Variants in KIF11 observed in about 807,000 individuals in gnomAD.
KIF11 encodes the protein kinesin-like protein KIF11.
In KIF11, 9 loss-of-function variants were observed where a neutral mutation model predicts 121.0. The observed-to-expected ratio is 0.07, with a 90% CI of 0.04 to 0.13. The LOEUF (loss-of-function observed/expected upper bound fraction) is 0.13. KIF11 is among the 10% of genes least tolerant of loss of function. The pLI, the probability that KIF11 is intolerant of heterozygous loss-of-function variation, is 1.00. For missense variants in KIF11, 846 were observed against 1,217.5 expected (o/e 0.69, Z 4.54); for synonymous variants, 408 against 421.0 (o/e 0.97, Z 0.38).
intron 6 of KIF11, among the ~76,000 whole-genome samples, chr10:92,612,697 G>T (rs1844510441): frequency 1.3e-5 from 2 of 152,154 alleles, no homozygotes; most frequent in South Asian, 4.1e-4. Flanking sequence ...TATTTCAAAT[G>T]GTTCTTATGA....
chr10:92,635,491 C>T (rs1025325038), intron 14 of KIF11, among the ~76,000 whole-genome samples: 2 of 152,076 alleles, frequency 1.3e-5, no homozygotes, highest in Admixed American at 1.3e-4. Context: ...TTCCAGCACA[C>T]GCCTGGTGGG....
In KIF11 at chr10:92,621,374, C is replaced by A. The variant is rs1461592393; in HGVS notation, c.1129-11C>A. The A allele has an allele frequency of 1.3e-6, 2 of 1,560,512 alleles. No homozygotes were observed. The highest frequency in any genetic ancestry group is 1.8e-6 in the Non-Finnish European group (2 of 1,136,132). On this transcript the variant is annotated splice_polypyrimidine_tract_variant and intron_variant, in intron 9 of 21. Transcript: ENST00000260731. Reference sequence around the variant, plus strand: ...TACTAAACTGACACCTACAACATTCCTCTTGTGTAGGAGTATACGGAGGAG... The same window carrying A: ...TACTAAACTGACACCTACAACATTCATCTTGTGTAGGAGTATACGGAGGAG...
intron 12 of KIF11, among the ~76,000 whole-genome samples, 175 bp from the exon 13 acceptor site, chr10:92,632,311 G>A (rs548126055): frequency 1.3e-5 from 2 of 151,824 alleles, no homozygotes; most frequent in East Asian, 2.0e-4. Flanking sequence ...GGAACTACAA[G>A]TATGTACCAC....
chr10:92,629,960 A>T (rs1844718390), intron 11 of KIF11, among the ~76,000 whole-genome samples: 1 of 152,206 alleles, frequency 6.6e-6, no homozygotes, highest in African/African-American at 2.4e-5. Flanking sequence ...ATGTTGAAGG[A>T]AACTGAAGAA....
intron 6 of KIF11, among the ~76,000 whole-genome samples, chr10:92,612,093 G>A (rs1236767576): frequency 6.6e-6 from 1 of 151,576 alleles, no homozygotes; most frequent in African/African-American, 2.4e-5. Flanking sequence ...AAAAAGCACA[G>A]TATTTGTTTT....
At chr10:92,646,240 C>A (rs1378050666) in intron 18 of KIF11, among the ~76,000 whole-genome samples, 1 of 152,192 alleles carries the variant, frequency 6.6e-6, no homozygotes, top group African/African-American at 2.4e-5. Context: ...GCATGAGCCA[C>A]TGCGCCCGGC....
At chr10:92,609,239 A>G (rs773387545) in intron 5 of KIF11, 34 bp downstream of exon 5, 1 of 1,455,466 alleles carries the variant, frequency 6.9e-7, no homozygotes, top group African/African-American at 1.4e-5. Flanking sequence ...ATGTCTCTGA[A>G]TTTTAATGTG....
intron 8 of KIF11, among the ~76,000 whole-genome samples, chr10:92,614,043 C>T (rs1353051888): frequency 1.0e-4 from 15 of 146,792 alleles, no homozygotes; most frequent in Admixed American, 3.4e-4. Flanking sequence ...CACACACACA[C>T]ACACACACAC....
At chr10:92,638,338 T>A (rs1011796420) in intron 16 of KIF11, among the ~76,000 whole-genome samples, 3 of 152,314 alleles carry the variant, frequency 2.0e-5, no homozygotes, top group East Asian at 3.9e-4. Flanking sequence ...ATGTAGATCA[T>A]CTTGCAGAAG....
At chr10:92,625,158 C>G (rs1392346120) in intron 10 of KIF11, among the ~76,000 whole-genome samples, 2 of 152,078 alleles carry the variant, frequency 1.3e-5, no homozygotes, top group African/African-American at 4.8e-5. Flanking sequence ...TAAGCGTTCC[C>G]TTTTCTCCAC....
intron 1 of KIF11, among the ~76,000 whole-genome samples, chr10:92,598,997 C>T (rs1418012853): frequency 2.0e-5 from 3 of 152,160 alleles, no homozygotes; most frequent in East Asian, 3.9e-4. Context: ...AGGCTGGTCA[C>T]GAACTCTTGA....
chr10:92,634,126 G>A (rs1844769049), intron 14 of KIF11, among the ~76,000 whole-genome samples: 1 of 151,938 alleles, frequency 6.6e-6, no homozygotes, highest in Admixed American at 6.6e-5. Flanking sequence ...TGGGACTACA[G>A]GCGCCCACCA....
At chr10:92,652,507 C>T (rs1237057491) in intron 21 of KIF11, among the ~76,000 whole-genome samples, 1 of 152,166 alleles carries the variant, frequency 6.6e-6, no homozygotes, top group East Asian at 1.9e-4. Flanking sequence ...TCCCTGCTTT[C>T]AACAGTTAAC....
chr10:92,630,726 C>T (rs540821848), intron 12 of KIF11, among the ~76,000 whole-genome samples: 13 of 151,386 alleles, frequency 8.6e-5, no homozygotes, highest in Admixed American at 4.6e-4. Context: ...ATTAGCCGGG[C>T]GTGGTGGCGC....
rs1412169199 is a variant in KIF11 at position 92,613,457 on chromosome 10, A to G, written c.870A>G (p.Gln290=). ...KRAREAGNIN[Q]SLLTLGRVIT... is the part of the protein sequence containing the mutation. ...CTCGGGAAGCTGGAAATATAAATCAATCCCTGTTGACTTTGGGAAGGGTCA... is the reference window on the plus strand; with the variant it reads ...CTCGGGAAGCTGGAAATATAAATCAGTCCCTGTTGACTTTGGGAAGGGTCA... The change falls in exon 8 of 22, where the codon CAA becomes CAG. Residue 290 remains glutamine (Q), a synonymous_variant. Transcript: ENST00000260731. The surrounding 1 kb of genome is among the most constrained non-coding windows in gnomAD (Gnocchi z 4.2). The G allele has an allele frequency of 6.2e-7, 1 of 1,612,334 alleles. No individual in the cohort carries two copies. The highest frequency in any genetic ancestry group is 8.5e-7 in the Non-Finnish European group (1 of 1,178,534).
chr10:92,606,419 T>G, intron 2 of KIF11, 22 bp downstream of exon 2: 1 of 1,565,842 alleles, frequency 6.4e-7, no homozygotes, highest in Non-Finnish European at 8.6e-7. Context: ...TGCAATTTCT[T>G]TATTATCCAC....
intron 1 of KIF11, chr10:92,596,924 T>C (rs1680705634): frequency 6.8e-6 from 2 of 292,580 alleles, no homozygotes; most frequent in African/African-American, 2.3e-5. Context: ...TTCTGTGCTA[T>C]GTGTCTGCAG....
chr10:92,651,997 G>T (rs1407767452), intron 21 of KIF11, among the ~76,000 whole-genome samples: 5 of 131,220 alleles, frequency 3.8e-5, no homozygotes, highest in East Asian at 2.4e-4. Context: ...TATATATAGA[G>T]AGAGGGTCTT....
chr10:92,651,507 G>GTATTTTTTTTT lies in KIF11; in HGVS notation c.3039+991_3039+992insATTTTTTTTTT, dbSNP rs1554863366. Among the ~76,000 whole-genome samples, 215 of 52,970 alleles carry GTATTTTTTTTT rather than the reference G, an allele frequency of 4.1e-3. 62 individuals are homozygous for GTATTTTTTTTT. The highest frequency in any genetic ancestry group is 8.4e-3 in the Admixed American group (33 of 3,942). The allele number at this position is 52,970 out of a possible 152,430, so 34.8% of individuals were successfully genotyped here. On this transcript the variant is annotated intron_variant, in intron 21 of 21. Transcript: ENST00000260731. Reference sequence around the variant, plus strand: ...TGTGCCACCATGCCTGGCTAATTTTGTTTTTTTTTTTTTTTTTTTTTTTTT... The same window carrying GTATTTTTTTTT: ...TGTGCCACCATGCCTGGCTAATTTTGTATTTTTTTTTTTTTTTTTTTTTTTTTTTTTTTTTT...
Sources: gnomAD v4.1 joint callset for allele counts (sites outside exome capture counted in the v4.1 genomes callset) on GRCh38, gnomAD v4.1.1 for gene constraint, Gnocchi (gnomAD v3.1) non-coding constraint, MANE v1.5 for transcripts, NCBI Gene and HGNC (gene_info 2026-07-23, HGNC 2026-07-21) for gene names.